Variants in RUNDC1 observed in about 807,000 individuals in gnomAD.
The protein encoded by RUNDC1 is RUN domain containing 1.
RUNDC1 carries 31 observed loss-of-function variants against 49.3 expected under a neutral mutation model. The observed-to-expected ratio is 0.63, with a 90% confidence interval of 0.47 to 0.85. The LOEUF is 0.85. Ranked by LOEUF, RUNDC1 falls within the 40% of genes least tolerant of loss-of-function variation. The probability of loss-of-function intolerance (pLI) is 0.00; values close to 1 mark genes in which losing one functional copy is unlikely to be tolerated. For synonymous variants in RUNDC1, 347 were observed against 348.6 expected, an observed-to-expected ratio of 1.00 and a Z score of 0.05; for missense variants, 715 against 806.7, an observed-to-expected ratio of 0.89 and a Z score of 1.38.
At chr17:42,989,664 T>A (rs2151960017) in intron 3 of RUNDC1, 125 bp downstream of exon 3, 1 of 845,362 alleles carries the variant, frequency 1.2e-6, no homozygotes, top group East Asian at 2.7e-5. Context: ...GGACAGTGTC[T>A]CTCTCTGTTC....
rs151103662 is a variant in RUNDC1, at chr17:42,992,141, G to A, written c.*425G>A. On this transcript the variant is annotated 3_prime_UTR_variant, in exon 5 of 5. Transcript: ENST00000361677. ...GAGGCAGGAGAATGGCGTGAACCCA[G>A]GAGGCGGAGCTTGCAGTGAGCCAAG... The A allele has an allele frequency of 0.01, 1,825 of 174,540 alleles. 14 individuals are homozygous for A. Among genetic ancestry groups the A allele is most frequent in the Non-Finnish European group, 0.016 (1,258 of 80,784 alleles). 10.8% of individuals were successfully genotyped at this position (174,540 alleles called of 1,614,324 possible). A position where few individuals can be genotyped will look rare whatever the true frequency, so the allele number is the denominator to read the frequency against.
intron 3 of RUNDC1, 26 bp from the exon 4 acceptor site, chr17:42,990,291 G>A: frequency 6.2e-7 from 1 of 1,611,838 alleles, no homozygotes; most frequent in Admixed American, 1.7e-5. Context: ...CTAAATAAGT[G>A]TCTCTTCTAT....
At position 42,991,033 on chromosome 17, in the gene RUNDC1, G is replaced by A. The variant is rs767757645; in HGVS notation, c.1159G>A (p.Val387Met). The change falls in exon 5 of 5, where the codon GTG (valine) becomes ATG (methionine). Residue 387 changes from valine to methionine, a missense_variant. Around this residue, in one of 5 missense-constraint regions of RUNDC1, gnomAD observed 425 missense variants for 499.7 expected, o/e 0.85. Transcript: ENST00000361677. ...DYSPLLKRLE[V>M]SVDRVKQLAL... ...CTCTCCCTTGCTGAAGAGGCTGGAG[G>A]TGTCAGTGGACAGAGTGAAGCAGCT... The A allele has an allele frequency of 1.2e-5, 19 of 1,614,056 alleles. No homozygotes were observed. Among genetic ancestry groups the A allele is most frequent in the Non-Finnish European group, 1.6e-5 (19 of 1,180,030 alleles).
At position 42,991,816 on chromosome 17, in the gene RUNDC1, T is replaced by C. The variant is rs2050247818; in HGVS notation, c.*100T>C. 7.6e-7 allele frequency: 1 copy of C among 1,309,540 alleles called. No individual in the cohort carries two copies. The highest frequency in any genetic ancestry group is 2.2e-5 in the Admixed American group (1 of 44,624). The allele number at this position is 1,309,540 out of a possible 1,614,324, so 81.1% of individuals were successfully genotyped here. On this transcript the variant is annotated 3_prime_UTR_variant, in exon 5 of 5. Transcript: ENST00000361677. Reference sequence around the variant, plus strand: ...GGAATCAGAGGTGGGGTTAAAGGCATTTTTCCCAGACCCTGCTCAGGCAGT... The same window carrying C: ...GGAATCAGAGGTGGGGTTAAAGGCACTTTTCCCAGACCCTGCTCAGGCAGT...
intron 1 of RUNDC1, among the ~76,000 whole-genome samples, chr17:42,984,530 C>T (rs1026745111): frequency 6.6e-6 from 1 of 152,150 alleles, no homozygotes; most frequent in African/African-American, 2.4e-5. Context: ...ATCCACCCAC[C>T]TCAACCCCAA....
At position 42,981,058 on chromosome 17, in the gene RUNDC1, T is replaced by C; in HGVS notation, c.482T>C (p.Leu161Ser). Reference sequence around the variant, plus strand: ...GGGCTGCCAGGGGACCGGCCATGGTTGCGGGGCGAGGACCAGGTGAGTGGC... The same window carrying C: ...GGGCTGCCAGGGGACCGGCCATGGTCGCGGGGCGAGGACCAGGTGAGTGGC... ...GDGLPGDRPWLRGEDQSEQEK... is the reference protein window; with the variant it reads ...GDGLPGDRPWSRGEDQSEQEK... Residue 161 changes from leucine (L) to serine (S), a missense_variant, in exon 1 of 5, where the codon TTG becomes TCG. Coordinates refer to ENST00000361677, the MANE Select transcript of RUNDC1 (RefSeq NM_173079.5). 6.4e-7 allele frequency: 1 copy of C among 1,562,300 alleles called. No homozygotes were observed. Among genetic ancestry groups the C allele is most frequent in the African/African-American group, 1.4e-5 (1 of 73,038 alleles).
intron 1 of RUNDC1, chr17:42,985,728 A>G: frequency 2.0e-6 from 2 of 980,928 alleles, no homozygotes; most frequent in Non-Finnish European, 2.4e-6. Context: ...TGCCCCTACA[A>G]ATGATTTGCT....
rs1308353075 is a variant in RUNDC1, at chr17:42,993,168, C to A, written c.*1452C>A. On this transcript the variant is annotated 3_prime_UTR_variant, in exon 5 of 5. Coordinates refer to ENST00000361677, the MANE Select transcript of RUNDC1 (RefSeq NM_173079.5). ...ATAGGTACTGTAGCAGGGATAGGTG[C>A]CACAGGAGGATAGGAACTACAGCAG... is the stretch of plus-strand genomic sequence containing the variant. 6.6e-6 allele frequency: 1 copy of A among 152,164 alleles called. No individual in the cohort carries two copies. Among genetic ancestry groups the A allele is most frequent in the African/African-American group, 2.4e-5 (1 of 41,438 alleles). 9.4% of individuals were successfully genotyped at this position (152,164 alleles called of 1,614,324 possible). A position where few individuals can be genotyped will look rare whatever the true frequency, so the allele number is the denominator to read the frequency against.
In RUNDC1 at chr17:42,980,945, G is replaced by A. The variant is rs1317977493; in HGVS notation, c.369G>A (p.Leu123=). 13 of 1,540,226 alleles carry A rather than the reference G, an allele frequency of 8.4e-6. No homozygotes were observed. The highest frequency in any genetic ancestry group is 1.4e-5 in the African/African-American group (1 of 73,028). Residue 123 remains leucine, a synonymous_variant, in exon 1 of 5, where the codon CTG becomes CTA. Coordinates refer to ENST00000361677, the MANE Select transcript of RUNDC1 (RefSeq NM_173079.5). ...RGAPAEQQRL[L]RELEDFAFRG... is the part of the protein sequence containing the mutation. Reference sequence around the variant, plus strand: ...CGCCGGCGGAGCAGCAGCGCCTTCTGCGGGAGCTCGAAGACTTCGCCTTCC... The same window carrying A: ...CGCCGGCGGAGCAGCAGCGCCTTCTACGGGAGCTCGAAGACTTCGCCTTCC...
chr17:42,994,408 G>A lies in RUNDC1; in HGVS notation c.*2692G>A, dbSNP rs1008297611. Among the ~76,000 whole-genome samples the A allele has an allele frequency of 6.6e-6, 1 of 152,188 alleles. No individual in the cohort carries two copies. Among genetic ancestry groups the A allele is most frequent in the Admixed American group, 6.5e-5 (1 of 15,272 alleles). On this transcript the variant is annotated 3_prime_UTR_variant, in exon 5 of 5. Coordinates refer to ENST00000361677, the MANE Select transcript of RUNDC1 (RefSeq NM_173079.5). The stretch of plus-strand genomic sequence containing the variant: ...AGCTGAGGAAACTGAACTGCAGAGA[G>A]GTTAAATATTTTGTCCTGGTTTACA...
rs1342035909 is a variant in RUNDC1, at chr17:42,981,093, G to A, written c.498+19G>A. ...GGACCAGGTGAGTGGCTGGAGCCGG[G>A]CCGCGAGGAATATGGGAATAGTGGG... On this transcript the variant is annotated intron_variant, in intron 1 of 4. Coordinates refer to ENST00000361677, the MANE Select transcript of RUNDC1 (RefSeq NM_173079.5). The A allele has an allele frequency of 1.9e-6, 3 of 1,549,400 alleles. No individual in the cohort carries two copies. The highest frequency in any genetic ancestry group is 2.6e-6 in the Non-Finnish European group (3 of 1,156,060).
Position 42,983,018 on chromosome 17 carries a change from G to GAA in RUNDC1, c.498+1956_498+1957dup, listed in dbSNP as rs138243664. 6.9e-3 allele frequency among the ~76,000 whole-genome samples: 924 copies of GAA among 134,254 alleles called. 24 individuals are homozygous for GAA. The East Asian group carries it at 0.084, about 12-fold the overall frequency. The allele number at this position is 134,254 out of a possible 152,430, so 88.1% of individuals were successfully genotyped here. On this transcript the variant is annotated intron_variant, in intron 1 of 4. Transcript: ENST00000361677. ...AAAAACACACAAAAAATTAAAAACT[G>GAA]AAAAAAAAAAAAAGACTGTGTGCAG...
Position 42,992,386 on chromosome 17 carries a change from T to G in RUNDC1, c.*670T>G, listed in dbSNP as rs962452638. ...GAGTTCAAGACCAGCCTGGCCAACA[T>G]GGTGAAACCCCATCTCTACTAAAAA... On this transcript the variant is annotated 3_prime_UTR_variant, in exon 5 of 5. Coordinates refer to ENST00000361677, the MANE Select transcript of RUNDC1 (RefSeq NM_173079.5). 1 of 151,410 alleles carries G rather than the reference T, an allele frequency of 6.6e-6. No individual in the cohort carries two copies. Among genetic ancestry groups the G allele is most frequent in the African/African-American group, 2.4e-5 (1 of 41,082 alleles). 9.4% of individuals were successfully genotyped at this position (151,410 alleles called of 1,614,324 possible).
chr17:42,990,507 G>A, intron 4 of RUNDC1, 71 bp downstream of exon 4: 1 of 1,487,858 alleles, frequency 6.7e-7, no homozygotes, highest in East Asian at 2.3e-5. Context: ...TAGGGCTTGG[G>A]TGTGTTGAGG....
At position 42,991,154 on chromosome 17, in the gene RUNDC1, G is replaced by A. The variant is rs1242438968; in HGVS notation, c.1280G>A (p.Arg427Gln). ...GGKDELTMAV[R>Q]KELTVAVRDL... ...AAGGATGAGCTGACTATGGCTGTGC[G>A]GAAGGAGCTAACGGTGGCTGTGAGG... The change falls in exon 5 of 5, where the codon CGG becomes CAG. Residue 427 changes from arginine to glutamine, a missense_variant. Physicochemically the swap from Arg to Gln is conservative, Grantham distance 43. Around this residue, in one of 5 missense-constraint regions of RUNDC1, gnomAD observed 425 missense variants for 499.7 expected, o/e 0.85. Coordinates refer to ENST00000361677, the MANE Select transcript of RUNDC1 (RefSeq NM_173079.5). The A allele has an allele frequency of 3.7e-6, 6 of 1,614,114 alleles. No homozygotes were observed. Among genetic ancestry groups the A allele is most frequent in the South Asian group, 2.2e-5 (2 of 91,090 alleles).
rs1162420246 is a variant in RUNDC1, at chr17:42,980,924, G to A, written c.348G>A (p.Pro116=). Residue 116 remains proline, a synonymous_variant, in exon 1 of 5, where the codon CCG becomes CCA. Transcript: ENST00000361677. ...TGCGCCAGGTGGTGCGCGGGGCGCC[G>A]GCGGAGCAGCAGCGCCTTCTGCGGG... ...FRLRQVVRGA[P]AEQQRLLREL... is the part of the protein sequence containing the mutation. 2.0e-6 allele frequency: 3 copies of A among 1,532,354 alleles called. No individual in the cohort carries two copies. The highest frequency in any genetic ancestry group is 5.0e-5 in the East Asian group (2 of 40,242). The allele number at this position is 1,532,354 out of a possible 1,614,324, so 94.9% of individuals were successfully genotyped here.
chr17:42,989,350 G>A lies in RUNDC1; in HGVS notation c.667G>A (p.Asp223Asn), dbSNP rs1190246248. 1 of 1,613,570 alleles carries A rather than the reference G, an allele frequency of 6.2e-7. No individual in the cohort carries two copies. The highest frequency in any genetic ancestry group is 1.7e-5 in the Admixed American group (1 of 60,010). Residue 223 changes from aspartate to asparagine, a missense_variant, in exon 3 of 5, where the codon GAT becomes AAT. Asp to Asn is a conservative substitution (Grantham distance 23, BLOSUM62 1). Around this residue, in one of 5 missense-constraint regions of RUNDC1, gnomAD observed 425 missense variants for 499.7 expected, o/e 0.85. Transcript: ENST00000361677. ...VVLERQRVII[D>N]ELIKKLDMNL... ...CTTGTGATCTTGGTAGGTGATCATA[G>A]ATGAGTTAATAAAGAAACTGGACAT...
chr17:42,986,692 G>A (rs1231538638), intron 1 of RUNDC1, among the ~76,000 whole-genome samples: 2 of 151,666 alleles, frequency 1.3e-5, no homozygotes, highest in African/African-American at 2.4e-5. Flanking sequence ...TAGTAGAGAC[G>A]GGGTTTTACT....
chr17:42,989,331 A>G lies in RUNDC1; in HGVS notation c.658-10A>G. ...CCAAAGGGTGTGCTCATTGCTTGTG[A>G]TCTTGGTAGGTGATCATAGATGAGT... On this transcript the variant is annotated splice_polypyrimidine_tract_variant and intron_variant, in intron 2 of 4. Coordinates refer to ENST00000361677, the MANE Select transcript of RUNDC1 (RefSeq NM_173079.5). 1.2e-6 allele frequency: 2 copies of G among 1,611,198 alleles called. No individual in the cohort carries two copies. The highest frequency in any genetic ancestry group is 1.3e-5 in the African/African-American group (1 of 74,994).
Sources: gnomAD v4.1 joint callset for allele counts (sites outside exome capture counted in the v4.1 genomes callset) on GRCh38, gnomAD v4.1.1 for gene constraint, gnomAD v4.1.1 regional missense constraint, MANE v1.5 for transcripts, NCBI Gene and HGNC (gene_info 2026-07-23, HGNC 2026-07-21) for gene names.